Variants in TBC1D19 observed in about 807,000 individuals in gnomAD.
The protein encoded by TBC1D19 is TBC1 domain family, member 19.
TBC1D19 carries 60 observed loss-of-function variants against 89.0 expected under a neutral mutation model. That is an observed-to-expected ratio of 0.67 (90% CI 0.55 to 0.84). The LOEUF (loss-of-function observed/expected upper bound fraction) is 0.84, where lower values mean the gene tolerates loss of function less well. Ranked by LOEUF, TBC1D19 falls within the 40% of genes least tolerant of loss-of-function variation. The pLI is 0.00. For missense variants in TBC1D19, 500 were observed against 610.8 expected (o/e 0.82, Z 1.91); for synonymous variants, 189 against 199.7 (o/e 0.95, Z 0.45).
chr4:26,737,142 C>T (rs976246141), intron 16 of TBC1D19, among the ~76,000 whole-genome samples: 14 of 152,078 alleles, frequency 9.2e-5, no homozygotes, highest in African/African-American at 3.4e-4. Context: ...ATAAAACTAT[C>T]GTTCAATGAA....
chr4:26,614,487 T>A (rs1356753958), intron 3 of TBC1D19, 34 bp downstream of exon 3: 1 of 1,503,446 alleles, frequency 6.7e-7, no homozygotes, highest in Admixed American at 1.8e-5. Context: ...AATAGTATTT[T>A]GTTTAGCTAT....
intron 4 of TBC1D19, among the ~76,000 whole-genome samples, chr4:26,629,728 T>C (rs1742678861): frequency 6.6e-6 from 1 of 151,926 alleles, no homozygotes; most frequent in Non-Finnish European, 1.5e-5. Flanking sequence ...CAATGTTACA[T>C]AGGCATCAAA....
chr4:26,680,048 T>G (rs769311922), intron 11 of TBC1D19, among the ~76,000 whole-genome samples: 17 of 152,142 alleles, frequency 1.1e-4, no homozygotes, highest in Non-Finnish European at 1.9e-4. Flanking sequence ...TCTCCTGAGA[T>G]CTGATGGTTT....
intron 16 of TBC1D19, among the ~76,000 whole-genome samples, chr4:26,739,347 C>T (rs988565363): frequency 2.6e-5 from 4 of 152,092 alleles, no homozygotes; most frequent in African/African-American, 9.7e-5. Flanking sequence ...CAGTAGTATA[C>T]AGCTATTACT....
upstream of TBC1D19, among the ~76,000 whole-genome samples, chr4:26,580,498 C>T (rs935806504): frequency 6.6e-6 from 1 of 152,130 alleles, no homozygotes; most frequent in East Asian, 1.9e-4. Context: ...GGGTCTTGTG[C>T]CAACAAATGG....
chr4:26,798,126 A>G, the TBC1D19 span, among the ~76,000 whole-genome samples: 1 of 152,228 alleles, frequency 6.6e-6, no homozygotes, highest in South Asian at 2.1e-4. Flanking sequence ...GAATGGGAAA[A>G]GTATTTGCAA....
chr4:26,685,656 A>G (rs1198294827), intron 12 of TBC1D19, among the ~76,000 whole-genome samples: 1 of 152,344 alleles, frequency 6.6e-6, no homozygotes, highest in East Asian at 1.9e-4. Context: ...GTAAGTGGAA[A>G]TGAGAGTTTA....
chr4:26,741,228 C>T (rs1238345966), intron 17 of TBC1D19, among the ~76,000 whole-genome samples: 1 of 151,640 alleles, frequency 6.6e-6, no homozygotes, highest in Non-Finnish European at 1.5e-5. Context: ...CGGTGGCGGG[C>T]GCCTGTAGTC....
intron 1 of TBC1D19, among the ~76,000 whole-genome samples, chr4:26,589,814 C>T (rs980587715): frequency 1.8e-4 from 27 of 152,142 alleles, no homozygotes; most frequent in African/African-American, 5.3e-4. Context: ...TCTGAACCTT[C>T]CCCAGTGTTT....
chr4:26,713,557 TGTTAACTATA>T (rs1218051336), intron 13 of TBC1D19, among the ~76,000 whole-genome samples: 1 of 152,042 alleles, frequency 6.6e-6, no homozygotes, highest in Non-Finnish European at 1.5e-5. Flanking sequence ...ACAACATTAT[TGTTAACTATA>T]GTTATTTAAA....
intron 10 of TBC1D19, among the ~76,000 whole-genome samples, chr4:26,673,446 T>TATATATATATATATACACACACACACAC (rs373807642): frequency 2.0e-4 from 18 of 90,854 alleles, no homozygotes; most frequent in African/African-American, 7.7e-4. Context: ...TATATATATA[T>TATATATATATATATACACACACACACAC]ACACACACAC....
chr4:26,773,897 C>T, the TBC1D19 span, among the ~76,000 whole-genome samples: 8 of 152,148 alleles, frequency 5.3e-5, 2 homozygotes, highest in Non-Finnish European at 7.3e-5. Context: ...AGTTGGGTAA[C>T]GTGTTGCCTG....
chr4:26,764,008 T>C, the TBC1D19 span, among the ~76,000 whole-genome samples: 7 of 152,368 alleles, frequency 4.6e-5, no homozygotes, highest in South Asian at 8.3e-4. Context: ...TATCTATAAA[T>C]AGGCAATTTT....
rs984030312 is a variant in TBC1D19 at position 26,698,073 on chromosome 4, C to T, written c.954+9666C>T. ...ATTAGGAAAAGAGGAAGTCAAATTG[C>T]CCCTGTTTGCAGATGACATGATTGT... On this transcript the variant is annotated intron_variant, in intron 13 of 20. Coordinates refer to ENST00000264866, the MANE Select transcript of TBC1D19 (RefSeq NM_018317.4). Among the ~76,000 whole-genome samples, 8 of 152,142 alleles carry T rather than the reference C, an allele frequency of 5.3e-5. No individual in the cohort carries two copies. In the South Asian group the frequency reaches 8.3e-4, roughly 16 times the overall value.
the TBC1D19 span, among the ~76,000 whole-genome samples, chr4:26,831,557 TTTTC>T: frequency 6.6e-6 from 1 of 151,694 alleles, no homozygotes; most frequent in Admixed American, 6.6e-5. Context: ...TTATTTTCCT[TTTTC>T]TTTCTTTCTT....
At chr4:26,830,095 A>C in the TBC1D19 span, among the ~76,000 whole-genome samples, 2 of 152,196 alleles carry the variant, frequency 1.3e-5, no homozygotes, top group Non-Finnish European at 2.9e-5. Context: ...ATGGCCCATA[A>C]AAGTGTAAGA....
chr4:26,805,627 C>A, the TBC1D19 span, among the ~76,000 whole-genome samples: 27 of 152,280 alleles, frequency 1.8e-4, no homozygotes, highest in African/African-American at 6.5e-4. Flanking sequence ...ATAACCCAGA[C>A]CCCATCTGGG....
chr4:26,745,457 GTATGTTTTTGA>G (rs1718598480), intron 18 of TBC1D19, among the ~76,000 whole-genome samples: 1 of 118,992 alleles, frequency 8.4e-6, no homozygotes. Context: ...TACTTTTAAA[GTATGTTTTTGA>G]TAGGTGCCAT....
intron 13 of TBC1D19, among the ~76,000 whole-genome samples, chr4:26,711,934 C>T (rs1043134966): frequency 6.6e-6 from 1 of 151,996 alleles, no homozygotes; most frequent in African/African-American, 2.4e-5. Context: ...CCACTTCTGG[C>T]ATTATCACCT....
Sources: allele counts gnomAD v4.1 joint callset (sites outside exome capture counted in the v4.1 genomes callset), GRCh38; gene constraint gnomAD v4.1.1; transcripts MANE v1.5; gene names NCBI Gene and HGNC (gene_info 2026-07-23, HGNC 2026-07-21).